The following OSBPL1A variants were observed in gnomAD, a reference collection of about 807,000 sequenced individuals.
OSBPL1A encodes oxysterol-binding protein-related protein 1.
A neutral mutation model predicts 137.1 loss-of-function variants in OSBPL1A; 80 were observed. That is an observed-to-expected ratio of 0.58 (90% CI 0.49 to 0.70). The LOEUF is 0.70. OSBPL1A is among the 30% of genes least tolerant of loss of function. The pLI, the probability that OSBPL1A is intolerant of heterozygous loss-of-function variation, is 0.00. For synonymous variants in OSBPL1A, 365 were observed against 389.7 expected, an observed-to-expected ratio of 0.94 and a Z score of 0.75; for missense variants, 970 against 1,129.4, an observed-to-expected ratio of 0.86 and a Z score of 2.02.
intron 25 of OSBPL1A, 140 bp from the exon 26 acceptor site, chr18:24,166,842 C>G (rs1195781828): frequency 2.3e-6 from 2 of 867,954 alleles, no homozygotes; most frequent in Admixed American, 3.2e-5. Context: ...TCAGATCACA[C>G]GTATCTAAAT....
rs201973737 is a variant in OSBPL1A, at chr18:24,329,954, G to A, written c.625+2988C>T. Among the ~76,000 whole-genome samples, 14 of 152,190 alleles carry A rather than the reference G, an allele frequency of 9.2e-5. No homozygotes were observed. In the East Asian group the frequency reaches 1.9e-3, roughly 21 times the overall value. Reference sequence around the variant, plus strand: ...TGAATGTATTTTTTTATCTTAAACTGTTGTGATGGCAAAACTATTTTCCTC... The same window carrying A: ...TGAATGTATTTTTTTATCTTAAACTATTGTGATGGCAAAACTATTTTCCTC... On this transcript the variant is annotated intron_variant, in intron 7 of 27. Coordinates refer to ENST00000319481, the MANE Select transcript of OSBPL1A (RefSeq NM_080597.4).
intron 16 of OSBPL1A, among the ~76,000 whole-genome samples, chr18:24,238,646 C>G (rs993336988): frequency 6.6e-6 from 1 of 152,196 alleles, no homozygotes; most frequent in African/African-American, 2.4e-5. Context: ...CCAGGTCACA[C>G]AGCTGGCTAG....
chr18:24,228,985 G>C (rs1323922471), intron 16 of OSBPL1A, among the ~76,000 whole-genome samples: 1 of 152,166 alleles, frequency 6.6e-6, no homozygotes, highest in Non-Finnish European at 1.5e-5. Flanking sequence ...TGTATCACTT[G>C]AGGTCAGGAG....
intron 15 of OSBPL1A, among the ~76,000 whole-genome samples, chr18:24,247,813 A>C (rs1158715618): frequency 1.3e-5 from 2 of 152,176 alleles, no homozygotes; most frequent in African/African-American, 4.8e-5. Context: ...TAAAAACTAA[A>C]AAAAGAATAA....
chr18:24,322,730 C>T (rs1482812463), intron 7 of OSBPL1A, among the ~76,000 whole-genome samples: 1 of 152,068 alleles, frequency 6.6e-6, no homozygotes, highest in East Asian at 1.9e-4. Context: ...AAATTCTGAA[C>T]TCCTGCCAAC....
chr18:24,232,857 T>C lies in OSBPL1A; in HGVS notation c.1444+6363A>G, dbSNP rs886867919. 8.5e-5 allele frequency among the ~76,000 whole-genome samples: 13 copies of C among 152,190 alleles called. No homozygotes were observed. The South Asian group carries it at 2.5e-3, about 29-fold the overall frequency. On this transcript the variant is annotated intron_variant, in intron 16 of 27. Transcript: ENST00000319481. The stretch of plus-strand genomic sequence containing the variant: ...CTGGTGCCCTCCAAGTGTTCAAGAT[T>C]TAAAAGATGTACTCTTACATCTGCT...
chr18:24,196,032 G>T, intron 18 of OSBPL1A, 93 bp downstream of exon 18: 3 of 970,396 alleles, frequency 3.1e-6, no homozygotes, highest in Non-Finnish European at 4.7e-6. Flanking sequence ...ACGTTGTCGT[G>T]CACCACTTTA....
intron 17 of OSBPL1A, among the ~76,000 whole-genome samples, chr18:24,204,119 G>A (rs545423891): frequency 5.3e-4 from 80 of 152,334 alleles, no homozygotes; most frequent in African/African-American, 1.9e-3. Flanking sequence ...CGGCCAGACT[G>A]CTTTTGGAGA....
At chr18:24,235,455 T>G (rs2088438642) in intron 16 of OSBPL1A, among the ~76,000 whole-genome samples, 1 of 152,176 alleles carries the variant, frequency 6.6e-6, no homozygotes, top group African/African-American at 2.4e-5. Context: ...GCCTTCAGCT[T>G]GAGTACCTAT....
chr18:24,349,003 C>A (rs1437097363), intron 4 of OSBPL1A, among the ~76,000 whole-genome samples: 1 of 151,452 alleles, frequency 6.6e-6, no homozygotes, highest in South Asian at 2.1e-4. Flanking sequence ...CCTTTCTCTA[C>A]AACAAATTTA....
At chr18:24,214,845 T>C (rs934349403) in intron 17 of OSBPL1A, among the ~76,000 whole-genome samples, 1 of 152,226 alleles carries the variant, frequency 6.6e-6, no homozygotes, top group Non-Finnish European at 1.5e-5. Context: ...TCTGCAAATA[T>C]GACTGTGTTG....
At chr18:24,317,929 T>C (rs2090766122) in intron 9 of OSBPL1A, among the ~76,000 whole-genome samples, 1 of 152,208 alleles carries the variant, frequency 6.6e-6, no homozygotes, top group African/African-American at 2.4e-5. Context: ...AATTCAAATA[T>C]TAATTTTCTT....
At chr18:24,265,379 C>T (rs538470561) in intron 15 of OSBPL1A, among the ~76,000 whole-genome samples, 1 of 152,074 alleles carries the variant, frequency 6.6e-6, no homozygotes, top group Non-Finnish European at 1.5e-5. Context: ...ACTTGGGATG[C>T]TGAGACAGGA....
At chr18:24,256,964 CAAAAAAAAAAAAAA>C (rs201880387) in intron 15 of OSBPL1A, among the ~76,000 whole-genome samples, 3 of 29,516 alleles carry the variant, frequency 1.0e-4, no homozygotes, top group African/African-American at 9.9e-5. Context: ...GAAGAGGATG[CAAAAAAAAAAAAAA>C]AAAAAAAAAA....
At chr18:24,213,927 C>G (rs1287709444) in intron 17 of OSBPL1A, among the ~76,000 whole-genome samples, 2 of 152,308 alleles carry the variant, frequency 1.3e-5, no homozygotes, top group Non-Finnish European at 1.5e-5. Flanking sequence ...GGAATGCTTA[C>G]AGAATCTTCA....
chr18:24,296,765 A>G (rs919691564), intron 14 of OSBPL1A, among the ~76,000 whole-genome samples: 1 of 152,060 alleles, frequency 6.6e-6, no homozygotes, highest in Non-Finnish European at 1.5e-5. Flanking sequence ...AGATGATCAC[A>G]TGGTTTTTAC....
intron 7 of OSBPL1A, among the ~76,000 whole-genome samples, chr18:24,330,900 T>C (rs2091065153): frequency 6.6e-6 from 1 of 152,126 alleles, no homozygotes; most frequent in Non-Finnish European, 1.5e-5. Flanking sequence ...GTTCAAGCAA[T>C]TCTCCTGCTT....
At chr18:24,196,327 A>ACAGGGCTAAG in intron 17 of OSBPL1A, 127 bp from the exon 18 acceptor site, 1 of 676,194 alleles carries the variant, frequency 1.5e-6, no homozygotes, top group East Asian at 2.8e-5. Context: ...GTCATCACAG[A>ACAGGGCTAAG]CAGGGCTAAG....
chr18:24,203,633 C>A (rs751848350), intron 17 of OSBPL1A, among the ~76,000 whole-genome samples: 1 of 152,098 alleles, frequency 6.6e-6, no homozygotes, highest in Non-Finnish European at 1.5e-5. Flanking sequence ...CTTGCCACCC[C>A]ACTCCTCCAT....
Sources: allele counts gnomAD v4.1 joint callset (sites outside exome capture counted in the v4.1 genomes callset), GRCh38; gene constraint gnomAD v4.1.1; transcripts MANE v1.5; gene names NCBI Gene and HGNC (gene_info 2026-07-23, HGNC 2026-07-21).